Variants in PPDPFL observed in about 807,000 individuals in gnomAD.
PPDPFL encodes the protein pancreatic progenitor cell differentiation and proliferation factor-like protein.
PPDPFL carries 12 observed loss-of-function variants against 12.6 expected under a neutral mutation model. The ratio of observed to expected loss-of-function variants is 0.95; its 90% CI spans 0.61 to 1.54. The LOEUF is 1.54. PPDPFL is among the 40% of genes most tolerant of loss of function. The pLI is 0.00. For missense variants in PPDPFL, 114 were observed against 96.0 expected (o/e 1.19, Z -0.78); for synonymous variants, 24 against 32.7 (o/e 0.73, Z 0.91).
At position 49,063,344 on chromosome 8, in the gene PPDPFL, G is replaced by C. The variant is rs111613606; in HGVS notation, c.-45+8975G>C. Among the ~76,000 whole-genome samples the C allele has an allele frequency of 2.9e-3, 444 of 152,262 alleles. 2 individuals carry two copies. Among genetic ancestry groups the C allele is most frequent in the African/African-American group, 0.01 (420 of 41,538 alleles). ...AGAACTTCTCCCTGTCCTTCCACCTGCCCCATGTCATAGCCAAGATAGTAA... is the reference window on the plus strand; with the variant it reads ...AGAACTTCTCCCTGTCCTTCCACCTCCCCCATGTCATAGCCAAGATAGTAA... On this transcript the variant is annotated intron_variant, in intron 1 of 4. Transcript: ENST00000517663.
intron 1 of PPDPFL, among the ~76,000 whole-genome samples, chr8:49,062,841 C>CA (rs1808234918): frequency 2.0e-5 from 3 of 152,088 alleles, no homozygotes; most frequent in Admixed American, 2.0e-4. Flanking sequence ...GAAGCTAGAT[C>CA]AAAAAATATT....
At chr8:49,057,391 T>G (rs531344067) in intron 1 of PPDPFL, among the ~76,000 whole-genome samples, 1 of 152,152 alleles carries the variant, frequency 6.6e-6, no homozygotes, top group South Asian at 2.1e-4. Context: ...TAAAACAAAC[T>G]ATTTCAGTAT....
rs533642813 is a variant in PPDPFL at position 49,055,098 on chromosome 8, T to A, written c.-45+729T>A. Among the ~76,000 whole-genome samples the A allele has an allele frequency of 3.3e-5, 5 of 152,326 alleles. No homozygotes were observed. The East Asian group carries it at 9.6e-4, about 29-fold the overall frequency. On this transcript the variant is annotated intron_variant, in intron 1 of 4. Coordinates refer to the PPDPFL transcript ENST00000517663. ...TGCACATTTCTTTATACTTTCTACT[T>A]AGAGAATGGCACTATGGTTTCTTCC...
chr8:49,054,347 G>T (rs879584842), exon 1 of PPDPFL: 1 of 151,940 alleles, frequency 6.6e-6, no homozygotes, highest in African/African-American at 2.4e-5. Context: ...CCTTTCTGAT[G>T]ATTCACTTCT....
At chr8:49,074,458 T>G in intron 4 of PPDPFL, 125 bp downstream of exon 4, 1 of 1,545,750 alleles carries the variant, frequency 6.5e-7, no homozygotes, top group Non-Finnish European at 8.7e-7. Flanking sequence ...GCCTTGCCTA[T>G]GAAGCGCACC....
At chr8:49,073,028 A>G (rs2064232217) in intron 2 of PPDPFL, 143 bp downstream of exon 2, 2 of 731,088 alleles carry the variant, frequency 2.7e-6, no homozygotes, top group Admixed American at 6.1e-5. Context: ...AGGAGGCCTC[A>G]GGGACTTCTC....
chr8:49,064,561 C>A (rs1808264553), intron 1 of PPDPFL, among the ~76,000 whole-genome samples: 1 of 151,818 alleles, frequency 6.6e-6, no homozygotes, highest in Non-Finnish European at 1.5e-5. Context: ...CAGGTTCCCC[C>A]CCAGGACAAG....
At chr8:49,073,825 G>C (rs533004710) in intron 2 of PPDPFL, among the ~76,000 whole-genome samples, 63 of 152,292 alleles carry the variant, frequency 4.1e-4, no homozygotes, top group African/African-American at 1.4e-3. Context: ...TATCCAAGGA[G>C]AGAGTGAGTT....
At chr8:49,065,191 G>A (rs923100326) in intron 1 of PPDPFL, among the ~76,000 whole-genome samples, 2 of 152,220 alleles carry the variant, frequency 1.3e-5, no homozygotes, top group African/African-American at 2.4e-5. Flanking sequence ...AATCCTAAAC[G>A]GAGAACATAC....
chr8:49,059,951 C>A (rs1167054869), intron 1 of PPDPFL, among the ~76,000 whole-genome samples: 1 of 152,106 alleles, frequency 6.6e-6, no homozygotes, highest in Non-Finnish European at 1.5e-5. Context: ...AGTTCAAAAA[C>A]CATTCCGGGC....
In PPDPFL at chr8:49,072,852, G is replaced by A. The variant is rs759107207; in HGVS notation, c.22G>A (p.Gly8Ser). Residue 8 changes from glycine (G) to serine (S), a missense_variant, in exon 2 of 5, where the codon GGT becomes AGT. Coordinates refer to ENST00000522267, the MANE Select transcript of PPDPFL (RefSeq NM_001256597.2). ...AGCCATGGCATCCGTACCTTCCATT[G>A]GTTGCCTTCTAGCCAGAAATCAGTA... MASVPSI[G>S]CLLARNQYYR... 1.2e-6 allele frequency: 2 copies of A among 1,605,994 alleles called. No individual in the cohort carries two copies. Among genetic ancestry groups the A allele is most frequent in the South Asian group, 2.2e-5 (2 of 89,368 alleles).
At chr8:49,073,966 A>G in intron 2 of PPDPFL, 93 bp from the exon 3 acceptor site, 1 of 808,376 alleles carries the variant, frequency 1.2e-6, no homozygotes, top group Non-Finnish European at 2.1e-6. Context: ...ATGATTTCAA[A>G]CCATGCTACT....
At chr8:49,065,124 T>C (rs1255774244) in intron 1 of PPDPFL, among the ~76,000 whole-genome samples, 1 of 151,890 alleles carries the variant, frequency 6.6e-6, no homozygotes, top group Non-Finnish European at 1.5e-5. Context: ...AAGGAGGAAG[T>C]GTGACAGTAT....
rs1235386990 is a variant in PPDPFL, at chr8:49,063,698, T to C, written c.-44-9089T>C. Among the ~76,000 whole-genome samples, 3 of 151,794 alleles carry C rather than the reference T, an allele frequency of 2.0e-5. No homozygotes were observed. The East Asian group carries it at 5.8e-4, about 29-fold the overall frequency. On this transcript the variant is annotated intron_variant, in intron 1 of 4. Coordinates refer to the PPDPFL transcript ENST00000517663. ...GCACCAGTGCACTCCAGCCTGGGTG[T>C]CAGAGTGAGACCCTGAAAAAAAAAA...
upstream of PPDPFL, among the ~76,000 whole-genome samples, chr8:49,067,573 A>C (rs1808318675): frequency 6.6e-6 from 1 of 152,196 alleles, no homozygotes; most frequent in South Asian, 2.1e-4. Context: ...AAGTTTAGTC[A>C]TTGTTCTTGC....
At chr8:49,058,381 G>T (rs1020344505) in intron 1 of PPDPFL, among the ~76,000 whole-genome samples, 36 of 152,322 alleles carry the variant, frequency 2.4e-4, no homozygotes, top group African/African-American at 7.9e-4. Context: ...AGGGCACTCT[G>T]CTGGAATATG....
At chr8:49,073,610 GGTTT>G (rs1476615087) in intron 2 of PPDPFL, among the ~76,000 whole-genome samples, 1 of 152,070 alleles carries the variant, frequency 6.6e-6, no homozygotes, top group East Asian at 1.9e-4. Context: ...AAGAGACATA[GGTTT>G]TAAATACAAG....
intron 1 of PPDPFL, among the ~76,000 whole-genome samples, chr8:49,066,396 G>A (rs1188183607): frequency 1.3e-5 from 2 of 152,106 alleles, no homozygotes; most frequent in African/African-American, 4.8e-5. Flanking sequence ...TTCTGCCTGT[G>A]GTGTGACTTG....
chr8:49,068,111 G>T (rs920769652), upstream of PPDPFL, among the ~76,000 whole-genome samples: 2 of 152,198 alleles, frequency 1.3e-5, no homozygotes, highest in African/African-American at 4.8e-5. Flanking sequence ...AAGAAGGGAT[G>T]CATTAGTTTT....
Sources: allele counts gnomAD v4.1 joint callset (sites outside exome capture counted in the v4.1 genomes callset), GRCh38; gene constraint gnomAD v4.1.1; transcripts MANE v1.5; gene names NCBI Gene and HGNC (gene_info 2026-07-23, HGNC 2026-07-21).